The following TENM3 variants were observed in gnomAD, a reference collection of about 807,000 sequenced individuals.
TENM3 encodes the protein teneurin-3.
TENM3 carries 63 observed loss-of-function variants against 255.1 expected under a neutral mutation model. The ratio of observed to expected loss-of-function variants is 0.25; its 90% CI spans 0.20 to 0.30. TENM3 has a LOEUF of 0.30. Ranked by LOEUF, TENM3 falls within the 10% of genes least tolerant of loss-of-function variation. The probability of loss-of-function intolerance (pLI) is 1.00; values close to 1 mark genes in which losing one functional copy is unlikely to be tolerated. For synonymous variants in TENM3, 1,306 were observed against 1,322.3 expected (o/e 0.99, Z 0.27); for missense variants, 2,929 against 3,461.1 (o/e 0.85, Z 3.86).
chr4:182,235,669 G>C (rs896970911), intron 1 of TENM3, among the ~76,000 whole-genome samples: 21 of 152,028 alleles, frequency 1.4e-4, no homozygotes, highest in African/African-American at 4.8e-4. Context: ...GACCACACGG[G>C]AGCCATCTCT....
the TENM3 span, among the ~76,000 whole-genome samples, chr4:181,915,889 C>T: frequency 6.6e-6 from 1 of 152,162 alleles, no homozygotes; most frequent in African/African-American, 2.4e-5. Context: ...CCGTACCCAG[C>T]AGGCATTAGG....
intron 7 of TENM3, among the ~76,000 whole-genome samples, chr4:182,677,723 G>A (rs1170870166): frequency 6.6e-6 from 1 of 152,110 alleles, no homozygotes; most frequent in African/African-American, 2.4e-5. Context: ...ATTTCTCACA[G>A]CTGAATTCTG....
the TENM3 span, among the ~76,000 whole-genome samples, chr4:181,574,936 A>C: frequency 6.6e-6 from 1 of 152,352 alleles, no homozygotes; most frequent in East Asian, 1.9e-4. Context: ...AGAAGTCTAC[A>C]TCAAGTTCTG....
chr4:181,492,364 C>A, the TENM3 span, among the ~76,000 whole-genome samples: 1 of 152,092 alleles, frequency 6.6e-6, no homozygotes, highest in African/African-American at 2.4e-5. Context: ...CTCTTTTTAA[C>A]CAAGAGGCAT....
intron 1 of TENM3, among the ~76,000 whole-genome samples, chr4:182,149,645 C>CT (rs34335603): frequency 1.1e-3 from 166 of 152,118 alleles, no homozygotes; most frequent in African/African-American, 3.9e-3. Context: ...GTAGCACTGA[C>CT]TTTTCAAACA....
chr4:182,122,552 A>G, the TENM3 span, among the ~76,000 whole-genome samples: 1 of 152,200 alleles, frequency 6.6e-6, no homozygotes, highest in African/African-American at 2.4e-5. Context: ...TTTGAAAGGC[A>G]TCATTTTTTT....
chr4:182,022,372 A>G, the TENM3 span, among the ~76,000 whole-genome samples: 1 of 151,918 alleles, frequency 6.6e-6, no homozygotes, highest in Non-Finnish European at 1.5e-5. Context: ...AAATGGAAAC[A>G]ACAGACACTG....
At chr4:182,664,366 C>CT (rs1005206453) in intron 6 of TENM3, among the ~76,000 whole-genome samples, 11 of 152,136 alleles carry the variant, frequency 7.2e-5, no homozygotes, top group African/African-American at 2.7e-4. Context: ...AGACAGCGAA[C>CT]TTAATAAATG....
intron 1 of TENM3, among the ~76,000 whole-genome samples, chr4:182,264,106 C>T (rs532939876): frequency 6.4e-4 from 97 of 152,128 alleles, no homozygotes; most frequent in African/African-American, 2.1e-3. Flanking sequence ...GTGCAAATGG[C>T]TAAATGAATG....
At chr4:182,112,079 C>T in the TENM3 span, among the ~76,000 whole-genome samples, 9 of 152,212 alleles carry the variant, frequency 5.9e-5, no homozygotes, top group South Asian at 2.1e-4. Flanking sequence ...CACTTGACCC[C>T]GGGAGTTCCA....
intron 3 of TENM3, among the ~76,000 whole-genome samples, chr4:182,405,954 G>C (rs1033153725): frequency 1.3e-5 from 2 of 152,166 alleles, no homozygotes; most frequent in African/African-American, 4.8e-5. Context: ...GCTGGTGTGC[G>C]ACAGTGGCAT....
chr4:181,837,789 A>G, the TENM3 span, among the ~76,000 whole-genome samples: 1 of 152,140 alleles, frequency 6.6e-6, no homozygotes, highest in African/African-American at 2.4e-5. Context: ...AACTCCTTAT[A>G]TGGAAGTGGG....
intron 3 of TENM3, among the ~76,000 whole-genome samples, chr4:182,511,266 C>T (rs1273513757): frequency 6.6e-6 from 1 of 152,104 alleles, no homozygotes; most frequent in Non-Finnish European, 1.5e-5. Flanking sequence ...AGAAACTGTT[C>T]CATAAATTAA....
At chr4:181,760,969 T>TACACAC in the TENM3 span, among the ~76,000 whole-genome samples, 1,270 of 50,614 alleles carry the variant, frequency 0.025, 26 homozygotes, top group African/African-American at 0.081. Context: ...ACCACACACA[T>TACACAC]ACACACACAC....
At chr4:182,431,953 G>A (rs1771683108) in intron 3 of TENM3, among the ~76,000 whole-genome samples, 1 of 151,860 alleles carries the variant, frequency 6.6e-6, no homozygotes, top group South Asian at 2.1e-4. Flanking sequence ...GCGGGTGCCT[G>A]TAATCCCAGT....
the TENM3 span, among the ~76,000 whole-genome samples, chr4:181,853,886 T>C: frequency 6.6e-6 from 1 of 152,352 alleles, no homozygotes; most frequent in African/African-American, 2.4e-5. Flanking sequence ...TTAATTAAAA[T>C]GCTGTAAGCG....
chr4:182,692,163 G>C (rs1357516905), intron 12 of TENM3, among the ~76,000 whole-genome samples: 2 of 152,200 alleles, frequency 1.3e-5, no homozygotes, highest in African/African-American at 4.8e-5. Context: ...CAGAGAAATT[G>C]GGCTTCTTCT....
At chr4:181,603,943 C>T in the TENM3 span, among the ~76,000 whole-genome samples, 1 of 152,162 alleles carries the variant, frequency 6.6e-6, no homozygotes, top group African/African-American at 2.4e-5. Context: ...TAGAAGTCTT[C>T]GTTAACAGAT....
At chr4:182,595,854 A>G (rs1367300057) in intron 3 of TENM3, among the ~76,000 whole-genome samples, 1 of 150,920 alleles carries the variant, frequency 6.6e-6, no homozygotes, top group African/African-American at 2.4e-5. Flanking sequence ...GGTAAAATAT[A>G]ATTTATAATA....
Sources: allele counts gnomAD v4.1 joint callset (sites outside exome capture counted in the v4.1 genomes callset), GRCh38; gene constraint gnomAD v4.1.1; transcripts MANE v1.5; gene names NCBI Gene and HGNC (gene_info 2026-07-23, HGNC 2026-07-21).